CASC3: variants seen among roughly 807,000 people sequenced by gnomAD.
The protein encoded by CASC3 is protein CASC3.
In CASC3, 30 loss-of-function variants were observed where a neutral mutation model predicts 80.5. The observed-to-expected ratio is 0.37, with a 90% CI of 0.28 to 0.51. The LOEUF is 0.51. CASC3 is among the 20% of genes least tolerant of loss of function. The pLI, the probability that CASC3 is intolerant of heterozygous loss-of-function variation, is 0.94. For synonymous variants in CASC3, 312 were observed against 333.6 expected, an observed-to-expected ratio of 0.94 and a Z score of 0.70; for missense variants, 824 against 922.2, an observed-to-expected ratio of 0.89 and a Z score of 1.38.
chr17:40,161,021 C>T (rs1378507709), intron 3 of CASC3, among the ~76,000 whole-genome samples: 2 of 151,582 alleles, frequency 1.3e-5, no homozygotes, highest in Admixed American at 6.6e-5. Context: ...GCTCTGTCGC[C>T]CAGGCTGAAG....
chr17:40,170,411 C>T (rs1414628910), intron 13 of CASC3, 36 bp from the exon 14 acceptor site: 59 of 985,448 alleles, frequency 6.0e-5, no homozygotes, highest in Non-Finnish European at 6.9e-5. Context: ...CCCACTAACA[C>T]TTTGGTGGTT....
chr17:40,148,713 ACTGC>A (rs1988921153), intron 3 of CASC3, among the ~76,000 whole-genome samples: 1 of 151,888 alleles, frequency 6.6e-6, no homozygotes, highest in Non-Finnish European at 1.5e-5. Flanking sequence ...CTTTCCCTTG[ACTGC>A]CTGTTGATTA....
At chr17:40,153,630 G>A (rs1989068052) in intron 3 of CASC3, among the ~76,000 whole-genome samples, 2 of 152,234 alleles carry the variant, frequency 1.3e-5, no homozygotes, top group South Asian at 4.1e-4. Context: ...GTGTATGAGG[G>A]TTCCAGTTTC....
intron 3 of CASC3, among the ~76,000 whole-genome samples, chr17:40,146,592 A>G (rs1010586358): frequency 1.3e-5 from 2 of 151,598 alleles, no homozygotes; most frequent in Non-Finnish European, 2.9e-5. Context: ...GCACGCCACC[A>G]TGCCTGGCTG....
chr17:40,162,064 T>A lies in CASC3; in HGVS notation c.519T>A (p.Asp173Glu). 1 of 1,614,110 alleles carries A rather than the reference T, an allele frequency of 6.2e-7. No homozygotes were observed. The highest frequency in any genetic ancestry group is 2.2e-5 in the East Asian group (1 of 44,876). The change falls in exon 5 of 14, where the codon GAT (aspartate) becomes GAA (glutamate). Residue 173 changes from aspartate to glutamate, a missense_variant. By Grantham distance (45) the Asp-to-Glu change is conservative. Transcript: ENST00000264645. Reference sequence around the variant, plus strand: ...AGGGCCCTAAGCATTTGGATGATGATGAAGATCGGAAGAATCCAGCATACA... The same window carrying A: ...AGGGCCCTAAGCATTTGGATGATGAAGAAGATCGGAAGAATCCAGCATACA... ...GKKGPKHLDD[D>E]EDRKNPAYIP...
At chr17:40,167,445 G>A in intron 8 of CASC3, 53 bp from the exon 9 acceptor site, 2 of 1,311,828 alleles carry the variant, frequency 1.5e-6, no homozygotes, top group Non-Finnish European at 2.2e-6. Flanking sequence ...GGTAGGACTT[G>A]ATATGAGAGC....
In CASC3 at chr17:40,168,199, C is replaced by T. The variant is rs764897515; in HGVS notation, c.1751-4C>T. 1 of 1,613,172 alleles carries T rather than the reference C, an allele frequency of 6.2e-7. No individual in the cohort carries two copies. The highest frequency in any genetic ancestry group is 1.1e-5 in the South Asian group (1 of 91,064). Reference sequence around the variant, plus strand: ...TTTTCAGTTTTTTTCTTCTCCTTATCCAGGTTTACATCCCCACCAGACACC... The same window carrying T: ...TTTTCAGTTTTTTTCTTCTCCTTATTCAGGTTTACATCCCCACCAGACACC... On this transcript the variant is annotated splice_polypyrimidine_tract_variant and splice_region_variant and intron_variant, in intron 10 of 13. Coordinates refer to ENST00000264645, the MANE Select transcript of CASC3 (RefSeq NM_007359.5).
At position 40,169,742 on chromosome 17, in the gene CASC3, C is replaced by CTTTTTTTTTTTTTTTTTTT. The variant is rs56186811; in HGVS notation, c.*41+93_*41+111dup. On this transcript the variant is annotated intron_variant, in intron 13 of 13. Coordinates refer to ENST00000264645, the MANE Select transcript of CASC3 (RefSeq NM_007359.5). ...ATAAACAAAAATCACTTAATTAATG[C>CTTTTTTTTTTTTTTTTTTT]TTTTTTTTTTTTTTTTTTTTTTTTT... 2 of 91,808 alleles carry CTTTTTTTTTTTTTTTTTTT rather than the reference C, an allele frequency of 2.2e-5. 1 individual carries two copies. Among genetic ancestry groups the CTTTTTTTTTTTTTTTTTTT allele is most frequent in the African/African-American group, 1.7e-4 (2 of 11,700 alleles). The allele number at this position is 91,808 out of a possible 1,614,324, so 5.7% of individuals were successfully genotyped here. A position where few individuals can be genotyped will look rare whatever the true frequency, so the allele number is the denominator to read the frequency against.
At chr17:40,153,157 C>T (rs1263040303) in intron 3 of CASC3, among the ~76,000 whole-genome samples, 2 of 152,134 alleles carry the variant, frequency 1.3e-5, no homozygotes, top group Non-Finnish European at 2.9e-5. Flanking sequence ...CCTTTTACCA[C>T]GATCTCATTT....
chr17:40,169,903 GCAC>G (rs1370373559), intron 13 of CASC3, among the ~76,000 whole-genome samples: 2 of 151,568 alleles, frequency 1.3e-5, no homozygotes, highest in Non-Finnish European at 2.9e-5. Flanking sequence ...TTACAGGCAC[GCAC>G]CACCACACCT....
At chr17:40,160,931 T>C (rs1440243370) in intron 3 of CASC3, among the ~76,000 whole-genome samples, 1 of 152,064 alleles carries the variant, frequency 6.6e-6, no homozygotes, top group Non-Finnish European at 1.5e-5. Context: ...TATATGTATG[T>C]ATGTGTGTAT....
At chr17:40,167,045 G>T in intron 8 of CASC3, 184 bp downstream of exon 8, 2 of 543,268 alleles carry the variant, frequency 3.7e-6, no homozygotes, top group Non-Finnish European at 6.4e-6. Flanking sequence ...TGCAAGCTCT[G>T]CCTCCTGGGT....
At chr17:40,150,706 A>AT (rs917494127) in intron 3 of CASC3, among the ~76,000 whole-genome samples, 4 of 152,202 alleles carry the variant, frequency 2.6e-5, no homozygotes, top group South Asian at 4.1e-4. Flanking sequence ...AATAAGAGGC[A>AT]TTTTTTTAAA....
chr17:40,166,941 C>CT (rs377329830), intron 8 of CASC3, 80 bp downstream of exon 8: 45,196 of 692,134 alleles, frequency 0.065, 52 homozygotes, highest in South Asian at 0.074. Flanking sequence ...AAGATAAGGT[C>CT]TTTTTTTTTT....
chr17:40,156,999 C>T (rs1989162955), intron 3 of CASC3, among the ~76,000 whole-genome samples: 1 of 151,788 alleles, frequency 6.6e-6, no homozygotes, highest in Non-Finnish European at 1.5e-5. Flanking sequence ...GCCATGATCA[C>T]ACCACTACAC....
intron 3 of CASC3, among the ~76,000 whole-genome samples, chr17:40,149,002 C>T (rs1988929372): frequency 6.6e-6 from 1 of 151,964 alleles, no homozygotes; most frequent in South Asian, 2.1e-4. Context: ...CAGCCTCCTG[C>T]GTAGCTGGGA....
intron 3 of CASC3, among the ~76,000 whole-genome samples, chr17:40,161,159 T>A (rs371531367): frequency 8.5e-4 from 129 of 152,004 alleles, no homozygotes; most frequent in African/African-American, 2.8e-3. Flanking sequence ...CTTATATTTC[T>A]AGTAGAGATG....
At position 40,140,731 on chromosome 17, in the gene CASC3, G is replaced by C. The variant is rs1988687481; in HGVS notation, c.183G>C (p.Leu61=). 1 of 1,545,864 alleles carries C rather than the reference G, an allele frequency of 6.5e-7. No individual in the cohort carries two copies. Among genetic ancestry groups the C allele is most frequent in the Admixed American group, 2.0e-5 (1 of 49,298 alleles). The change falls in exon 1 of 14, where the codon CTG becomes CTC. Residue 61 remains leucine, a synonymous_variant. Transcript: ENST00000264645. ...GAGGCCGAACCGGGGCCCTTCATCTGCGGCGGGTGGAGAGCGGGGGCGCCA... is the reference window on the plus strand; with the variant it reads ...GAGGCCGAACCGGGGCCCTTCATCTCCGGCGGGTGGAGAGCGGGGGCGCCA... ...QRGGRTGALH[L]RRVESGGAKS...
intron 7 of CASC3, among the ~76,000 whole-genome samples, 195 bp from the exon 8 acceptor site, chr17:40,166,602 A>C (rs2145181673): frequency 6.6e-6 from 1 of 152,356 alleles, no homozygotes; most frequent in African/African-American, 2.4e-5. Context: ...TTGCTATATT[A>C]AGATGGCAGA....
Sources: allele counts gnomAD v4.1 joint callset (sites outside exome capture counted in the v4.1 genomes callset), GRCh38; gene constraint gnomAD v4.1.1; transcripts MANE v1.5; gene names NCBI Gene and HGNC (gene_info 2026-07-23, HGNC 2026-07-21).